The following KIF21B variants were observed in gnomAD, a reference collection of about 807,000 sequenced individuals.
KIF21B encodes kinesin family member 21B.
In KIF21B, 85 loss-of-function variants were observed where a neutral mutation model predicts 192.9. That is an observed-to-expected ratio of 0.44 (90% confidence interval 0.37 to 0.53). The LOEUF is 0.53. KIF21B is among the 20% of genes least tolerant of loss of function. The probability of loss-of-function intolerance (pLI) is 0.00; values close to 1 mark genes in which losing one functional copy is unlikely to be tolerated. For missense variants in KIF21B, 1,716 were observed against 2,194.8 expected (o/e 0.78, Z 4.36); for synonymous variants, 832 against 884.6 (o/e 0.94, Z 1.05).
chr1:200,986,233 C>A lies in KIF21B; in HGVS notation c.3689+611G>T, dbSNP rs533225132. Among the ~76,000 whole-genome samples the A allele has an allele frequency of 8.5e-5, 13 of 152,278 alleles. No homozygotes were observed. The East Asian group carries it at 2.1e-3, about 25-fold the overall frequency. ...GTCATGAAAAGGGGCTGAAGCACAT[C>A]AGTGCAATGACTAATCCAAGCCACT... On this transcript the variant is annotated intron_variant, in intron 26 of 34. Transcript: ENST00000461742.
rs1352288891 is a variant in KIF21B, at chr1:201,009,439, T to G, written c.91A>C (p.Thr31Pro). The part of the protein sequence containing the change: ...KEKIEGCHIC[T>P]SVTPGEPQVL... ...TGGGGCTCTCCCGGGGTAACAGAGG[T>G]ACAGATGTGACAGCCCTCAATCTTC... The change falls in exon 2 of 35, where the codon ACC (threonine) becomes CCC (proline). Residue 31 changes from threonine to proline, a missense_variant. Physicochemically the swap from Thr to Pro is conservative, Grantham distance 38. Around this residue, in one of 3 missense-constraint regions of KIF21B, gnomAD observed 1,087 missense variants for 1,316.6 expected, o/e 0.83. Coordinates refer to ENST00000461742, the MANE Select transcript of KIF21B (RefSeq NM_001252102.2). The G allele has an allele frequency of 1.2e-6, 2 of 1,614,010 alleles. No individual in the cohort carries two copies. Among genetic ancestry groups the G allele is most frequent in the African/African-American group, 1.3e-5 (1 of 74,896 alleles).
At position 200,979,681 on chromosome 1, in the gene KIF21B, T is replaced by C; in HGVS notation, c.4014A>G (p.Gly1338=). 1 of 1,558,384 alleles carries C rather than the reference T, an allele frequency of 6.4e-7. No individual in the cohort carries two copies. The highest frequency in any genetic ancestry group is 1.2e-5 in the South Asian group (1 of 84,406). ...GGCCCTTTAGAGCTGCGATCTCCTG[T>C]CCCGTAACCAAGTTCCACATCTTGC... ...RSCKMWNLVT[G]QEIAALKGHP... is the part of the protein sequence containing the mutation. The change falls in exon 30 of 35, where the codon GGA becomes GGG. Residue 1338 remains glycine (G), a synonymous_variant. Transcript: ENST00000461742.
chr1:200,983,193 G>A (rs930156096), intron 27 of KIF21B, 99 bp from the exon 28 acceptor site: 7 of 1,002,024 alleles, frequency 7.0e-6, no homozygotes, highest in African/African-American at 6.4e-5. Flanking sequence ...CAGAGGGCAG[G>A]TTATTCTCTT....
chr1:201,002,464 G>T, intron 8 of KIF21B, 114 bp from the exon 9 acceptor site: 2 of 886,898 alleles, frequency 2.3e-6, no homozygotes, highest in Non-Finnish European at 3.6e-6. Context: ...TGGATATGGC[G>T]CATCACCAGT....
chr1:200,999,942 T>C lies in KIF21B; in HGVS notation c.1708A>G (p.Lys570Glu). ...TTCTCCTGTTGGAGTTTTGCCCTCT[T>C]TTTGAAGGCTTCCTTCTCGGGGCTG... ...RKSPEKEAFK[K>E]RAKLQQENSE... The change falls in exon 12 of 35, where the codon AAG becomes GAG. Residue 570 changes from lysine (K) to glutamate (E), a missense_variant. Coordinates refer to ENST00000461742, the MANE Select transcript of KIF21B (RefSeq NM_001252102.2). This position sits in a 1 kb window ranked among gnomAD's most constrained non-coding sequence, Gnocchi z 4.7. 3.1e-6 allele frequency: 5 copies of C among 1,613,892 alleles called. No individual in the cohort carries two copies. The highest frequency in any genetic ancestry group is 1.3e-5 in the African/African-American group (1 of 75,016).
In KIF21B at chr1:201,020,457, A is replaced by T. The variant is rs561672220; in HGVS notation, c.41+2886T>A. Among the ~76,000 whole-genome samples the T allele has an allele frequency of 9.9e-4, 150 of 152,198 alleles. 1 individual carries two copies. The highest frequency in any genetic ancestry group is 3.5e-3 in the African/African-American group (144 of 41,516). ...GGAAGCTGAGAATCTTTACAGTACA[A>T]GGGGATTAATGGATAAAGGGATCAC... On this transcript the variant is annotated intron_variant, in intron 1 of 34. Transcript: ENST00000461742.
rs1394008779 is a variant in KIF21B, at chr1:200,975,988, AAGG to A, written c.4444-322_4444-320del. On this transcript the variant is annotated intron_variant, in intron 32 of 34. Coordinates refer to ENST00000461742, the MANE Select transcript of KIF21B (RefSeq NM_001252102.2). This position sits in a 1 kb window ranked among gnomAD's most constrained non-coding sequence, Gnocchi z 4.3. ...CCCCACAGCTCAACAGGCAGCTGCT[AAGG>A]AGAAGGGTGGGTTTAGGGTGTGAGC... 6.6e-6 allele frequency among the ~76,000 whole-genome samples: 1 copy of A among 152,128 alleles called. No individual in the cohort carries two copies. Among genetic ancestry groups the A allele is most frequent in the African/African-American group, 2.4e-5 (1 of 41,418 alleles).
chr1:201,014,706 T>C (rs1367672144), intron 1 of KIF21B, among the ~76,000 whole-genome samples: 1 of 152,186 alleles, frequency 6.6e-6, no homozygotes, highest in Non-Finnish European at 1.5e-5. Context: ...GTGAAGTCAG[T>C]CCCACCCAAT....
intron 2 of KIF21B, 108 bp from the exon 3 acceptor site, chr1:201,009,059 C>T (rs1267276894): frequency 7.4e-7 from 1 of 1,346,996 alleles, no homozygotes; most frequent in Non-Finnish European, 1.0e-6. Flanking sequence ...AGCCCGGTTC[C>T]CCTGCTGCTT....
intron 8 of KIF21B, chr1:201,002,709 A>G: frequency 4.2e-6 from 1 of 236,264 alleles, no homozygotes; most frequent in East Asian, 9.3e-5. Flanking sequence ...GCTGGTTGTA[A>G]GACAATAGGG....
intron 29 of KIF21B, 138 bp downstream of exon 29, chr1:200,980,822 G>C: frequency 9.4e-7 from 1 of 1,066,266 alleles, no homozygotes; most frequent in Non-Finnish European, 1.3e-6. Context: ...AAGAAACAAG[G>C]GTAGTAAGCA....
chr1:200,989,697 C>T (rs1656549536), intron 21 of KIF21B, among the ~76,000 whole-genome samples: 1 of 152,246 alleles, frequency 6.6e-6, no homozygotes, highest in Admixed American at 6.5e-5. Context: ...TGTTGTGTGC[C>T]AGGTGCCAGG....
Position 201,017,992 on chromosome 1 carries a change from C to T in KIF21B, c.41+5351G>A, listed in dbSNP as rs897571058. Among the ~76,000 whole-genome samples the T allele has an allele frequency of 1.1e-4, 17 of 152,130 alleles. No individual in the cohort carries two copies. The highest frequency in any genetic ancestry group is 2.2e-4 in the Non-Finnish European group (15 of 68,020). On this transcript the variant is annotated intron_variant, in intron 1 of 34. Transcript: ENST00000461742. The surrounding 1 kb of genome is among the most constrained non-coding windows in gnomAD (Gnocchi z 4.1). Reference sequence around the variant, plus strand: ...TGGATCTCTGGGGCCAAGGAAGAGCCGTTCCAGTCCAGCTTCCCTCATGGC... The same window carrying T: ...TGGATCTCTGGGGCCAAGGAAGAGCTGTTCCAGTCCAGCTTCCCTCATGGC...
chr1:201,004,324 G>A lies in KIF21B; in HGVS notation c.1016+16C>T, dbSNP rs1211569131. 5.8e-6 allele frequency: 9 copies of A among 1,546,308 alleles called. No homozygotes were observed. The highest frequency in any genetic ancestry group is 7.0e-6 in the Non-Finnish European group (8 of 1,140,664). ...TGCCTCCCCTGTCCCTTCCCTGGGT[G>A]TTGGTCACCAGATACCTGTTGCCCC... On this transcript the variant is annotated intron_variant, in intron 7 of 34. Coordinates refer to ENST00000461742, the MANE Select transcript of KIF21B (RefSeq NM_001252102.2).
At chr1:200,981,147 G>A (rs1264745410) in intron 28 of KIF21B, 51 bp from the exon 29 acceptor site, 1 of 1,551,736 alleles carries the variant, frequency 6.4e-7, no homozygotes, top group Non-Finnish European at 8.7e-7. Flanking sequence ...GGGAGACTGT[G>A]GCCAGGCTGA....
At chr1:200,993,765 C>CAAAAAAAAAAAA (rs553024029) in intron 15 of KIF21B, among the ~76,000 whole-genome samples, 1 of 91,714 alleles carries the variant, frequency 1.1e-5, no homozygotes, top group Non-Finnish European at 2.7e-5. Flanking sequence ...CAAAACAAAA[C>CAAAAAAAAAAAA]AAAAAAAAAA....
rs777168074 is a variant in KIF21B at position 200,977,300 on chromosome 1, G to A, written c.4237C>T (p.His1413Tyr). ...CTGAGGGCGATCTGGTTGATCTGAT[G>A]CTCGCCCTGAGCACTGGTGATGGCA... The part of the protein sequence containing the change: ...TRAITSAQGE[H>Y]QINQIALSPS... The change falls in exon 31 of 35, where the codon CAT becomes TAT. Residue 1413 changes from histidine (H) to tyrosine (Y), a missense_variant. By Grantham distance (83) the His-to-Tyr change is moderately conservative (BLOSUM62 2). This residue lies in a region of KIF21B where 580 missense variants were observed against 775.5 expected (regional missense o/e 0.75). Transcript: ENST00000461742. 1 of 1,614,132 alleles carries A rather than the reference G, an allele frequency of 6.2e-7. No homozygotes were observed. The highest frequency in any genetic ancestry group is 1.3e-5 in the African/African-American group (1 of 74,956).
intron 3 of KIF21B, among the ~76,000 whole-genome samples, 186 bp from the exon 4 acceptor site, chr1:201,005,880 T>C (rs947061729): frequency 2.6e-5 from 4 of 152,226 alleles, no homozygotes; most frequent in African/African-American, 9.7e-5. Context: ...TGGGCAGAAC[T>C]AGCTGGAGGC....
intron 14 of KIF21B, among the ~76,000 whole-genome samples, chr1:200,996,696 G>A (rs1196420517): frequency 6.6e-6 from 1 of 152,126 alleles, no homozygotes; most frequent in Non-Finnish European, 1.5e-5. Flanking sequence ...CATGCTGGCT[G>A]GGTTCTGACC....
Sources: allele counts gnomAD v4.1 joint callset (sites outside exome capture counted in the v4.1 genomes callset), GRCh38; gene constraint gnomAD v4.1.1; regional missense constraint gnomAD v4.1.1; non-coding constraint Gnocchi (gnomAD v3.1); transcripts MANE v1.5; gene names NCBI Gene and HGNC (gene_info 2026-07-23, HGNC 2026-07-21).